EXOC6: variants seen among roughly 807,000 people sequenced by gnomAD.
The protein encoded by EXOC6 is exocyst complex component 6, also known as SEC15-like 1.
Under a neutral mutation model 112.5 loss-of-function variants are expected in EXOC6, and 60 were observed. The ratio of observed to expected loss-of-function variants is 0.53; its 90% confidence interval spans 0.43 to 0.66. The LOEUF (loss-of-function observed/expected upper bound fraction) is 0.66, where lower values mean the gene tolerates loss of function less well. EXOC6 is among the 30% of genes least tolerant of loss of function. The probability of loss-of-function intolerance (pLI) is 0.00; values close to 1 mark genes in which losing one functional copy is unlikely to be tolerated. For synonymous variants in EXOC6, 295 were observed against 308.0 expected, an observed-to-expected ratio of 0.96 and a Z score of 0.44; for missense variants, 855 against 957.1, an observed-to-expected ratio of 0.89 and a Z score of 1.41.
chr10:92,905,504 A>G (rs1850391759), intron 5 of EXOC6, among the ~76,000 whole-genome samples: 1 of 152,040 alleles, frequency 6.6e-6, no homozygotes, highest in Non-Finnish European at 1.5e-5. Flanking sequence ...GAAGGTTTTT[A>G]TATAGATACA....
At chr10:92,850,417 T>G (rs1035374547) in intron 1 of EXOC6, among the ~76,000 whole-genome samples, 1 of 152,236 alleles carries the variant, frequency 6.6e-6, no homozygotes, top group African/African-American at 2.4e-5. Flanking sequence ...TGTATATTTG[T>G]GTCTCATTTA....
At chr10:92,850,694 A>G (rs1464588137) in intron 1 of EXOC6, among the ~76,000 whole-genome samples, 2 of 152,204 alleles carry the variant, frequency 1.3e-5, no homozygotes, top group Non-Finnish European at 2.9e-5. Flanking sequence ...TCTACTCCCT[A>G]TCATCTTGGA....
rs1357694493 is a variant in EXOC6, at chr10:92,976,697, T to G, written c.1953+2465T>G. Among the ~76,000 whole-genome samples the G allele has an allele frequency of 4.7e-5, 7 of 150,430 alleles. No individual in the cohort carries two copies. The East Asian group carries it at 5.9e-4, about 13-fold the overall frequency. On this transcript the variant is annotated intron_variant, in intron 18 of 21. Transcript: ENST00000260762. ...ATAAATTAAAAAAAAAAAAACATAA[T>G]TAATGGCTTTTCCAGTTAGAAAGGA...
intron 7 of EXOC6, among the ~76,000 whole-genome samples, chr10:92,916,288 A>G (rs1315304671): frequency 6.6e-6 from 1 of 152,158 alleles, no homozygotes; most frequent in African/African-American, 2.4e-5. Flanking sequence ...AGGTGGGTGG[A>G]TCACTTGAGG....
chr10:92,960,589 T>A (rs1853930418), intron 17 of EXOC6, among the ~76,000 whole-genome samples: 1 of 122,754 alleles, frequency 8.1e-6, no homozygotes. Flanking sequence ...TCTATTTAAA[T>A]TGCAAAAAAA....
chr10:92,965,650 T>G (rs1156415315), intron 17 of EXOC6, among the ~76,000 whole-genome samples: 1 of 152,182 alleles, frequency 6.6e-6, no homozygotes, highest in Non-Finnish European at 1.5e-5. Flanking sequence ...TAATCATCTC[T>G]TAGGAATGTC....
At position 92,976,060 on chromosome 10, in the gene EXOC6, GC is replaced by G. The variant is rs1188273394; in HGVS notation, c.1953+1834del. ...GGGAGGGAGGTGGGGGGGGGGGTCA[GC>G]CCCCCGCCCGGCCAGCCGCCCCGCC... is the stretch of plus-strand genomic sequence containing the variant. On this transcript the variant is annotated intron_variant, in intron 18 of 21. Coordinates refer to ENST00000260762, the MANE Select transcript of EXOC6 (RefSeq NM_019053.6). Among the ~76,000 whole-genome samples, 27 of 140,684 alleles carry G rather than the reference GC, an allele frequency of 1.9e-4. 1 individual carries two copies. The highest frequency in any genetic ancestry group is 1.4e-3 in the South Asian group (6 of 4,340). 92.3% of individuals were successfully genotyped at this position (140,684 alleles called of 152,430 possible).
chr10:92,916,533 A>G (rs1034570057), intron 7 of EXOC6, among the ~76,000 whole-genome samples: 31 of 152,072 alleles, frequency 2.0e-4, no homozygotes, highest in Admixed American at 2.0e-3. Flanking sequence ...AAAACAAACA[A>G]CTATCTTACA....
At chr10:92,950,133 T>C (rs1370295521) in intron 14 of EXOC6, among the ~76,000 whole-genome samples, 1 of 152,180 alleles carries the variant, frequency 6.6e-6, no homozygotes, top group Non-Finnish European at 1.5e-5. Context: ...GAAGAACTGT[T>C]AATAGTTAAA....
intron 6 of EXOC6, among the ~76,000 whole-genome samples, chr10:92,910,402 C>T (rs554909888): frequency 8.3e-4 from 126 of 152,092 alleles, no homozygotes; most frequent in Non-Finnish European, 1.6e-3. Flanking sequence ...TCCATTTTTA[C>T]GTCATTCGAA....
At chr10:93,021,702 T>C (rs1844801897) in intron 20 of EXOC6, among the ~76,000 whole-genome samples, 1 of 152,214 alleles carries the variant, frequency 6.6e-6, no homozygotes, top group East Asian at 1.9e-4. Flanking sequence ...TAAGGTCACT[T>C]AGTGGGGTAA....
At chr10:93,050,572 AC>A (rs968789269) in intron 20 of EXOC6, among the ~76,000 whole-genome samples, 2 of 151,880 alleles carry the variant, frequency 1.3e-5, no homozygotes, top group African/African-American at 4.8e-5. Flanking sequence ...AGCCTGACCA[AC>A]ATGGTGAAAC....
chr10:92,964,144 A>C (rs550856901), intron 17 of EXOC6, among the ~76,000 whole-genome samples: 1 of 152,052 alleles, frequency 6.6e-6, no homozygotes, highest in East Asian at 1.9e-4. Context: ...TAAGTACTAA[A>C]TGTAAAGAAA....
At chr10:92,868,759 A>G (rs1848297804) in intron 1 of EXOC6, among the ~76,000 whole-genome samples, 1 of 150,214 alleles carries the variant, frequency 6.7e-6, no homozygotes, top group Admixed American at 6.6e-5. Flanking sequence ...TTTTCTCACT[A>G]TTTTAATTGG....
chr10:92,852,207 TAAAGAAAGGGA>T (rs1466849552), intron 1 of EXOC6, among the ~76,000 whole-genome samples: 1 of 152,176 alleles, frequency 6.6e-6, no homozygotes, highest in Non-Finnish European at 1.5e-5. Context: ...CTGTATCAAT[TAAAGAAAGGGA>T]ATTTTGCTGT....
At chr10:92,911,956 T>A (rs1316622137) in intron 6 of EXOC6, among the ~76,000 whole-genome samples, 2 of 151,228 alleles carry the variant, frequency 1.3e-5, no homozygotes, top group African/African-American at 4.9e-5. Context: ...TGTGTGTGTG[T>A]GTGTGTGTGT....
chr10:92,856,314 AT>A (rs1374090028), intron 1 of EXOC6, among the ~76,000 whole-genome samples: 1 of 151,852 alleles, frequency 6.6e-6, no homozygotes, highest in East Asian at 1.9e-4. Flanking sequence ...GATCTTTCTT[AT>A]TTTTTAATAT....
chr10:92,894,090 A>G (rs1849635594), intron 2 of EXOC6, among the ~76,000 whole-genome samples: 2 of 152,204 alleles, frequency 1.3e-5, no homozygotes, highest in Admixed American at 1.3e-4. Flanking sequence ...CGTTTAGAGC[A>G]CTTAGCAGAC....
At chr10:92,991,573 TAACA>T (rs1374318434) in intron 18 of EXOC6, among the ~76,000 whole-genome samples, 2 of 152,172 alleles carry the variant, frequency 1.3e-5, no homozygotes, top group Non-Finnish European at 2.9e-5. Flanking sequence ...AAAGATTGTT[TAACA>T]AACAAAAAGA....
Sources: gnomAD v4.1 joint callset for allele counts (sites outside exome capture counted in the v4.1 genomes callset) on GRCh38, gnomAD v4.1.1 for gene constraint, MANE v1.5 for transcripts, NCBI Gene and HGNC (gene_info 2026-07-23, HGNC 2026-07-21) for gene names.